Variants in COL6A6 observed in about 807,000 individuals in gnomAD.
COL6A6 encodes collagen type VI alpha 6 chain.
Under a neutral mutation model 208.6 loss-of-function variants are expected in COL6A6, and 183 were observed. That is an observed-to-expected ratio of 0.88 (90% CI 0.78 to 0.99). COL6A6 has a LOEUF of 0.99. Among genes scored for constraint, COL6A6 ranks in the 50% least tolerant of loss-of-function variants. The pLI is 0.00. For synonymous variants in COL6A6, 973 were observed against 1,011.8 expected (o/e 0.96, Z 0.73); for missense variants, 2,816 against 2,815.2 (o/e 1.00, Z -0.01).
At chr3:130,528,089 G>A (rs2062002133) in intron 1 of COL6A6, among the ~76,000 whole-genome samples, 2 of 151,950 alleles carry the variant, frequency 1.3e-5, no homozygotes, top group Admixed American at 1.3e-4. Flanking sequence ...TTTGAGATAT[G>A]CTATGAAAAA....
chr3:130,663,557 TA>T (rs1044677560), intron 35 of COL6A6, among the ~76,000 whole-genome samples: 1 of 151,828 alleles, frequency 6.6e-6, no homozygotes, highest in African/African-American at 2.4e-5. Context: ...TTTGTAAGGG[TA>T]AAAAAAGTAC....
intron 11 of COL6A6, among the ~76,000 whole-genome samples, 175 bp downstream of exon 11, chr3:130,586,835 T>G (rs1026179405): frequency 6.6e-6 from 1 of 151,992 alleles, no homozygotes; most frequent in Non-Finnish European, 1.5e-5. Context: ...TGTAATACAG[T>G]AAAGAGATGT....
intron 33 of COL6A6, among the ~76,000 whole-genome samples, chr3:130,654,990 G>C (rs2065750113): frequency 6.6e-6 from 1 of 152,172 alleles, no homozygotes; most frequent in Non-Finnish European, 1.5e-5. Flanking sequence ...GTGGGTTCAG[G>C]TGGAGCCATT....
intron 6 of COL6A6, among the ~76,000 whole-genome samples, chr3:130,570,326 A>G (rs1156800345): frequency 6.6e-6 from 1 of 152,274 alleles, no homozygotes; most frequent in African/African-American, 2.4e-5. Flanking sequence ...AAAGTCAGCC[A>G]TCAGAGAATC....
intron 2 of COL6A6, among the ~76,000 whole-genome samples, chr3:130,560,643 T>A (rs2062861892): frequency 6.6e-6 from 1 of 152,210 alleles, no homozygotes; most frequent in Non-Finnish European, 1.5e-5. Context: ...ATAATAGATA[T>A]GAGAGCTGTC....
intron 7 of COL6A6, among the ~76,000 whole-genome samples, chr3:130,572,683 TCTC>T (rs1411212179): frequency 6.6e-6 from 1 of 152,222 alleles, no homozygotes; most frequent in East Asian, 1.9e-4. Context: ...TATTGAAAAT[TCTC>T]CTTGGGACAG....
At position 130,661,798 on chromosome 3, in the gene COL6A6, A is replaced by AC; in HGVS notation, c.5996dup (p.Glu2000ArgfsTer31). 6.2e-7 allele frequency: 1 copy of AC among 1,613,758 alleles called. No homozygotes were observed. The highest frequency in any genetic ancestry group is 2.2e-5 in the East Asian group (1 of 44,862). Reference sequence around the variant, plus strand: ...AGCACTATTAGATCACTTTGAAATCACCCCAGAGCCGGAGACTTCTGTCAC... The same window carrying AC: ...AGCACTATTAGATCACTTTGAAATCACCCCCAGAGCCGGAGACTTCTGTCAC... On this transcript the variant is annotated frameshift_variant, in exon 35 of 37. Transcript: ENST00000358511. LOFTEE classifies it high-confidence loss of function.
intron 36 of COL6A6, among the ~76,000 whole-genome samples, chr3:130,672,927 C>T (rs532194006): frequency 4.7e-5 from 7 of 150,514 alleles, no homozygotes; most frequent in South Asian, 2.1e-4. Flanking sequence ...GAGAATCACT[C>T]GAAACCCGGG....
At chr3:130,659,335 C>T (rs762987232) in intron 34 of COL6A6, among the ~76,000 whole-genome samples, 1 of 152,182 alleles carries the variant, frequency 6.6e-6, no homozygotes, top group Non-Finnish European at 1.5e-5. Flanking sequence ...GAAAACTGGA[C>T]TCTAATCTTC....
intron 36 of COL6A6, among the ~76,000 whole-genome samples, chr3:130,667,533 C>T (rs1006853181): frequency 6.6e-6 from 1 of 152,200 alleles, no homozygotes; most frequent in African/African-American, 2.4e-5. Context: ...GCCACCGAAC[C>T]TGGCCTAAAC....
chr3:130,652,048 C>A (rs1360699880), intron 33 of COL6A6, among the ~76,000 whole-genome samples: 1 of 152,150 alleles, frequency 6.6e-6, no homozygotes, highest in Non-Finnish European at 1.5e-5. Flanking sequence ...TTAATGTAAG[C>A]AGCATTGGCC....
rs1044666623 is a variant in COL6A6 at position 130,642,985 on chromosome 3, A to T, written c.5191-2A>T. The T allele has an allele frequency of 1.9e-6, 3 of 1,613,814 alleles. No individual in the cohort carries two copies. The East Asian group carries it at 6.7e-5, about 36-fold the overall frequency. On this transcript the variant is annotated splice_acceptor_variant, in intron 30 of 36. Coordinates refer to ENST00000358511, the MANE Select transcript of COL6A6 (RefSeq NM_001102608.3). LOFTEE classifies it high-confidence loss of function. ...TGTTTCTGTTTTATTTTCGAACTGC[A>T]GACATGTGAGCTCATTCAGTATGTG...
intron 1 of COL6A6, among the ~76,000 whole-genome samples, chr3:130,521,066 A>C (rs1234211235): frequency 6.6e-6 from 1 of 152,212 alleles, no homozygotes; most frequent in African/African-American, 2.4e-5. Context: ...ACAAATAAAT[A>C]TACATGTAAC....
At chr3:130,594,573 A>G (rs931286913) in intron 18 of COL6A6, among the ~76,000 whole-genome samples, 1 of 152,258 alleles carries the variant, frequency 6.6e-6, no homozygotes, top group Non-Finnish European at 1.5e-5. Context: ...TTGTAAATAC[A>G]TACTCAGAAT....
In COL6A6 at chr3:130,675,515, C is replaced by T. The variant is rs2066338227; in HGVS notation, c.*118C>T. On this transcript the variant is annotated 3_prime_UTR_variant, in exon 37 of 37. Coordinates refer to ENST00000358511, the MANE Select transcript of COL6A6 (RefSeq NM_001102608.3). ...TGTAGGTTATCAGGTGACTTGACCC[C>T]CTGCATTCATTGGTATTAAGATATA... 1 of 680,542 alleles carries T rather than the reference C, an allele frequency of 1.5e-6. No homozygotes were observed. The highest frequency in any genetic ancestry group is 2.7e-5 in the East Asian group (1 of 36,600). The allele number at this position is 680,542 out of a possible 1,614,324, so 42.2% of individuals were successfully genotyped here. A position where few individuals can be genotyped will look rare whatever the true frequency, so the allele number is the denominator to read the frequency against.
At chr3:130,595,772 A>G (rs79415992) in intron 18 of COL6A6, among the ~76,000 whole-genome samples, 6,992 of 152,206 alleles carry the variant, frequency 0.046, 493 homozygotes, top group African/African-American at 0.15. Context: ...ATTCTTATAT[A>G]TGTCTTTTGA....
intron 36 of COL6A6, among the ~76,000 whole-genome samples, chr3:130,672,621 C>G (rs2066246921): frequency 6.6e-6 from 1 of 151,802 alleles, no homozygotes; most frequent in Non-Finnish European, 1.5e-5. Flanking sequence ...CCAGGCTGGT[C>G]TCGAACTCCT....
chr3:130,648,492 G>A (rs1390479486), intron 32 of COL6A6, among the ~76,000 whole-genome samples: 2 of 152,220 alleles, frequency 1.3e-5, no homozygotes, highest in Admixed American at 1.3e-4. Context: ...GGCACAGACA[G>A]GATGAGTAAT....
chr3:130,557,635 C>A (rs2062796406), intron 1 of COL6A6, among the ~76,000 whole-genome samples: 1 of 152,200 alleles, frequency 6.6e-6, no homozygotes, highest in Non-Finnish European at 1.5e-5. Context: ...ATGTATCCTG[C>A]ATACCTTATT....
Sources: gnomAD v4.1 joint callset for allele counts (sites outside exome capture counted in the v4.1 genomes callset) on GRCh38, gnomAD v4.1.1 for gene constraint, MANE v1.5 for transcripts, NCBI Gene and HGNC (gene_info 2026-07-23, HGNC 2026-07-21) for gene names.